Variants in PCDHA8 observed in about 807,000 individuals in gnomAD.
PCDHA8 encodes protocadherin alpha 8, also known as protocadherin alpha-8.
PCDHA8 carries 53 observed loss-of-function variants against 61.8 expected under a neutral mutation model. That is an observed-to-expected ratio of 0.86 (90% CI 0.69 to 1.08). The LOEUF is 1.08. PCDHA8 is among the 50% of genes least tolerant of loss of function. PCDHA8 has a pLI of 0.00. For missense variants in PCDHA8, 1,293 were observed against 1,245.0 expected (o/e 1.04, Z -0.58); for synonymous variants, 618 against 556.6 (o/e 1.11, Z -1.55).
chr5:140,863,664 A>ATTTTGC (rs1331349828), intron 1 of PCDHA8: 1 of 285,864 alleles, frequency 3.5e-6, no homozygotes, highest in Non-Finnish European at 6.9e-6. Flanking sequence ...TGCTTTATTT[A>ATTTTGC]TTTTGCTTTT....
intron 1 of PCDHA8, among the ~76,000 whole-genome samples, chr5:140,962,103 T>C (rs1401131367): frequency 1.3e-5 from 2 of 152,020 alleles, no homozygotes; most frequent in African/African-American, 4.8e-5. Flanking sequence ...GCCAGGATGG[T>C]CTCGATCTCC....
At chr5:140,881,046 T>C (rs1554171694) in intron 1 of PCDHA8, among the ~76,000 whole-genome samples, 1 of 152,238 alleles carries the variant, frequency 6.6e-6, no homozygotes, top group African/African-American at 2.4e-5. Context: ...TATAGAGTTG[T>C]GCACAGAACA....
intron 1 of PCDHA8, chr5:140,881,353 G>C (rs537796043): frequency 1.0e-6 from 1 of 985,060 alleles, no homozygotes; most frequent in African/African-American, 1.7e-5. Flanking sequence ...GCTACAATGC[G>C]TGGCTTTCGT....
chr5:140,946,092 G>A (rs985293430), intron 1 of PCDHA8, among the ~76,000 whole-genome samples: 2 of 151,914 alleles, frequency 1.3e-5, no homozygotes, highest in Non-Finnish European at 2.9e-5. Flanking sequence ...CTGATAAGGA[G>A]TTAACATACC....
chr5:140,903,434 A>T (rs1372993909), intron 1 of PCDHA8, among the ~76,000 whole-genome samples: 1 of 152,226 alleles, frequency 6.6e-6, no homozygotes, highest in Non-Finnish European at 1.5e-5. Context: ...AATATGTATC[A>T]GTGGAATTCA....
chr5:140,991,501 A>G (rs1223011478), intron 3 of PCDHA8, among the ~76,000 whole-genome samples: 1 of 152,216 alleles, frequency 6.6e-6, no homozygotes, highest in East Asian at 1.9e-4. Context: ...AGTGAGTTTC[A>G]CTGGCTAAAA....
chr5:140,924,896 AAAAAAAAAAT>A (rs1244420537), intron 1 of PCDHA8, among the ~76,000 whole-genome samples: 4 of 69,138 alleles, frequency 5.8e-5, no homozygotes, highest in African/African-American at 1.0e-4. Flanking sequence ...ACCTGTCTCA[AAAAAAAAAAT>A]AAAATAAAAT....
intron 1 of PCDHA8, among the ~76,000 whole-genome samples, chr5:140,932,619 A>T (rs535899807): frequency 5.3e-5 from 8 of 152,056 alleles, no homozygotes; most frequent in African/African-American, 1.9e-4. Context: ...TGAAGCTGAT[A>T]ACCACACTAA....
intron 1 of PCDHA8, chr5:140,869,178 G>A (rs200717410): frequency 1.0e-4 from 168 of 1,613,870 alleles, no homozygotes; most frequent in Non-Finnish European, 1.3e-4. Flanking sequence ...AATTCTGGGA[G>A]GTGGGGAGCG....
At chr5:140,844,413 A>G (rs1581068328) in intron 1 of PCDHA8, among the ~76,000 whole-genome samples, 1 of 149,462 alleles carries the variant, frequency 6.7e-6, no homozygotes, top group East Asian at 1.9e-4. Flanking sequence ...ATTTGGAGAC[A>G]TGTTTTTTAT....
chr5:140,842,143 T>C lies in PCDHA8; in HGVS notation c.822T>C (p.Asn274=). 6.2e-7 allele frequency: 1 copy of C among 1,613,830 alleles called. No homozygotes were observed. Among genetic ancestry groups the C allele is most frequent in the Non-Finnish European group, 8.5e-7 (1 of 1,179,812 alleles). The part of the protein sequence containing the change: ...LNASDPDEGA[N]GAISYSFNSL... The stretch of plus-strand genomic sequence containing the variant: ...CTTCTGATCCGGATGAAGGAGCCAA[T>C]GGGGCAATTTCATATTCTTTTAATA... Residue 274 remains asparagine, a synonymous_variant, in exon 1 of 4, where the codon AAT becomes AAC. Transcript: ENST00000531613.
intron 3 of PCDHA8, among the ~76,000 whole-genome samples, chr5:140,984,251 T>C (rs1164028325): frequency 6.6e-6 from 1 of 152,210 alleles, no homozygotes; most frequent in Non-Finnish European, 1.5e-5. Flanking sequence ...GTCGACCTGG[T>C]AAGCCACAAA....
At chr5:140,849,965 G>C (rs2150460683) in intron 1 of PCDHA8, 1 of 1,597,882 alleles carries the variant, frequency 6.3e-7, no homozygotes, top group East Asian at 2.2e-5. Context: ...ACGCCCTGGT[G>C]TCCTACTCGC....
chr5:140,882,072 T>A (rs1340000642), intron 1 of PCDHA8: 5 of 861,462 alleles, frequency 5.8e-6, no homozygotes, highest in Non-Finnish European at 7.0e-6. Flanking sequence ...TTCATGCGCA[T>A]GGTGTCGCTC....
At chr5:140,875,596 G>T (rs1554167787) in intron 1 of PCDHA8, 2 of 1,613,938 alleles carry the variant, frequency 1.2e-6, no homozygotes, top group East Asian at 2.2e-5. Context: ...GGCCAAACAC[G>T]GCACCTTCGT....
At chr5:140,874,436 C>T (rs1407636354) in intron 1 of PCDHA8, among the ~76,000 whole-genome samples, 3 of 152,286 alleles carry the variant, frequency 2.0e-5, no homozygotes, top group East Asian at 3.9e-4. Flanking sequence ...GAAGCATGTC[C>T]TAACTACTAA....
chr5:140,878,145 A>G (rs1331184448), intron 1 of PCDHA8: 4 of 183,786 alleles, frequency 2.2e-5, no homozygotes, highest in African/African-American at 9.5e-5. Flanking sequence ...CAGATGTTTG[A>G]TAACTTAAAA....
chr5:140,881,581 T>C (rs782420499), intron 1 of PCDHA8, among the ~76,000 whole-genome samples: 2 of 152,222 alleles, frequency 1.3e-5, no homozygotes, highest in African/African-American at 2.4e-5. Context: ...TCAAGTCACA[T>C]TGAGGGAAAT....
chr5:140,952,121 C>A (rs993598007), intron 1 of PCDHA8, among the ~76,000 whole-genome samples: 1 of 152,102 alleles, frequency 6.6e-6, no homozygotes, highest in Non-Finnish European at 1.5e-5. Context: ...GGGATGGGCT[C>A]CCAAGGCCTT....
Sources: allele counts gnomAD v4.1 joint callset (sites outside exome capture counted in the v4.1 genomes callset), GRCh38; gene constraint gnomAD v4.1.1; transcripts MANE v1.5; gene names NCBI Gene and HGNC (gene_info 2026-07-23, HGNC 2026-07-21).